The following TOX variants were observed in gnomAD, a reference collection of about 807,000 sequenced individuals.
TOX encodes the protein thymocyte selection-associated high mobility group box protein TOX.
A neutral mutation model predicts 53.7 loss-of-function variants in TOX; 11 were observed. That is an observed-to-expected ratio of 0.20 (90% CI 0.13 to 0.34). TOX has a LOEUF of 0.34. TOX is among the 10% of genes least tolerant of loss of function. The probability of loss-of-function intolerance (pLI) is 1.00; values close to 1 mark genes in which losing one functional copy is unlikely to be tolerated. For missense variants in TOX, 570 were observed against 664.6 expected (o/e 0.86, Z 1.56); for synonymous variants, 225 against 245.3 (o/e 0.92, Z 0.77).
At chr8:58,811,767 C>T (rs761042064) in intron 7 of TOX, among the ~76,000 whole-genome samples, 3 of 151,972 alleles carry the variant, frequency 2.0e-5, no homozygotes, top group Non-Finnish European at 4.4e-5. Flanking sequence ...TTCTCTTGAC[C>T]TCATTCGACA....
In TOX at chr8:59,092,280, T is replaced by TATTATATATATATAC. The variant is rs1196145309; in HGVS notation, c.102+26605_102+26606insGTATATATATATAAT. On this transcript the variant is annotated intron_variant, in intron 1 of 8. Coordinates refer to ENST00000361421, the MANE Select transcript of TOX (RefSeq NM_014729.3). The stretch of plus-strand genomic sequence containing the variant: ...TATATATATTTTATATATATATATA[T>TATTATATATATATAC]ATTATATATACATTATATATATTAT... Among the ~76,000 whole-genome samples the TATTATATATATATAC allele has an allele frequency of 2.9e-3, 335 of 117,002 alleles. 7 individuals carry two copies. The highest frequency in any genetic ancestry group is 5.5e-3 in the East Asian group (23 of 4,210). The allele number at this position is 117,002 out of a possible 152,430, so 76.8% of individuals were successfully genotyped here.
At chr8:59,066,757 A>G (rs556919905) in intron 1 of TOX, among the ~76,000 whole-genome samples, 2 of 152,358 alleles carry the variant, frequency 1.3e-5, no homozygotes, top group African/African-American at 4.8e-5. Flanking sequence ...TTAAGAAAGA[A>G]GTGAACGAAA....
In TOX at chr8:58,826,870, C is replaced by T; in HGVS notation, c.957G>A (p.Lys319=). The T allele has an allele frequency of 1.2e-6, 2 of 1,612,478 alleles. No individual in the cohort carries two copies. The highest frequency in any genetic ancestry group is 1.7e-6 in the Non-Finnish European group (2 of 1,179,316). The change falls in exon 6 of 9, where the codon AAG becomes AAA. Residue 319 remains lysine, a synonymous_variant. Coordinates refer to ENST00000361421, the MANE Select transcript of TOX (RefSeq NM_014729.3). ...VYKKKTEAAK[K]EYLKQLAAYR... is the part of the protein sequence containing the mutation. ...ATGCTGCGAGTTGCTTCAGGTACTC[C>T]TTCTTCGCAGCCTCGGTTTTCTTTT...
chr8:59,031,936 A>G (rs1181568877), intron 1 of TOX, among the ~76,000 whole-genome samples: 1 of 152,244 alleles, frequency 6.6e-6, no homozygotes, highest in African/African-American at 2.4e-5. Context: ...AGTTCAATGA[A>G]AAGAAACTAA....
chr8:58,872,167 C>T (rs925951690), intron 3 of TOX, among the ~76,000 whole-genome samples: 2 of 151,898 alleles, frequency 1.3e-5, no homozygotes, highest in Non-Finnish European at 2.9e-5. Context: ...CATACAAGAG[C>T]CACCTAAAAT....
intron 4 of TOX, among the ~76,000 whole-genome samples, chr8:58,843,934 A>G (rs1389439742): frequency 6.6e-6 from 1 of 152,208 alleles, no homozygotes; most frequent in East Asian, 1.9e-4. Flanking sequence ...TAACGGATGC[A>G]CTTTGAAAGA....
intron 1 of TOX, among the ~76,000 whole-genome samples, chr8:58,998,946 C>T (rs1297054932): frequency 6.6e-6 from 1 of 152,056 alleles, no homozygotes; most frequent in Non-Finnish European, 1.5e-5. Flanking sequence ...TTTATTAATT[C>T]AGTTCAATCT....
chr8:59,105,151 TC>T (rs1363147421), intron 1 of TOX, among the ~76,000 whole-genome samples: 1 of 152,200 alleles, frequency 6.6e-6, no homozygotes, highest in Non-Finnish European at 1.5e-5. Flanking sequence ...GCTCAAATAT[TC>T]TCATTTCATC....
At chr8:59,063,803 C>T (rs371483517) in intron 1 of TOX, among the ~76,000 whole-genome samples, 45 of 152,196 alleles carry the variant, frequency 3.0e-4, no homozygotes, top group African/African-American at 1.0e-3. Flanking sequence ...TTCTAAAAAT[C>T]ACCACTGTAA....
At chr8:58,967,322 A>G (rs182637459) in intron 1 of TOX, among the ~76,000 whole-genome samples, 1 of 152,300 alleles carries the variant, frequency 6.6e-6, no homozygotes, top group African/African-American at 2.4e-5. Flanking sequence ...TAATTTTTGT[A>G]ATAATCCTGT....
chr8:58,985,411 T>A (rs1262389402), intron 1 of TOX, among the ~76,000 whole-genome samples: 1 of 151,998 alleles, frequency 6.6e-6, no homozygotes, highest in Non-Finnish European at 1.5e-5. Flanking sequence ...AAAAGACAAA[T>A]ACTGTATGAT....
At position 58,938,524 on chromosome 8, in the gene TOX, T is replaced by C. The variant is rs151328682; in HGVS notation, c.411+778A>G. Among the ~76,000 whole-genome samples, 893 of 152,198 alleles carry C rather than the reference T, an allele frequency of 5.9e-3. 8 individuals carry two copies. Among genetic ancestry groups the C allele is most frequent in the African/African-American group, 0.02 (835 of 41,514 alleles). ...CTACTACTGATTTTTTTTTCCACTA[T>C]TGGGGTATAGACAGAGAAATTATTA... On this transcript the variant is annotated intron_variant, in intron 3 of 8. Coordinates refer to ENST00000361421, the MANE Select transcript of TOX (RefSeq NM_014729.3).
chr8:58,843,145 A>G (rs1174299530), intron 4 of TOX, among the ~76,000 whole-genome samples: 1 of 152,220 alleles, frequency 6.6e-6, no homozygotes, highest in Non-Finnish European at 1.5e-5. Flanking sequence ...GTTGTGCCTA[A>G]AAACAAGAGC....
At chr8:58,842,220 C>T (rs1165152098) in intron 4 of TOX, among the ~76,000 whole-genome samples, 1 of 151,982 alleles carries the variant, frequency 6.6e-6, no homozygotes, top group East Asian at 1.9e-4. Context: ...TGGGGTGAGT[C>T]AGCAGACTGG....
At chr8:58,878,944 C>T (rs1188421482) in intron 3 of TOX, among the ~76,000 whole-genome samples, 1 of 151,716 alleles carries the variant, frequency 6.6e-6, no homozygotes, top group Non-Finnish European at 1.5e-5. Flanking sequence ...ACCTGTAGTC[C>T]CAGCTACCCT....
At chr8:58,825,395 C>A (rs1012963447) in intron 6 of TOX, among the ~76,000 whole-genome samples, 1 of 152,246 alleles carries the variant, frequency 6.6e-6, no homozygotes, top group South Asian at 2.1e-4. Context: ...ATACAAATTG[C>A]CGTACACTGC....
At chr8:58,904,302 TA>T (rs34289239) in intron 3 of TOX, among the ~76,000 whole-genome samples, 2,506 of 146,442 alleles carry the variant, frequency 0.017, 66 homozygotes, top group African/African-American at 0.064. Flanking sequence ...GTAGACGACA[TA>T]TTTTTTTTTT....
chr8:58,867,538 C>A (rs1811124483), intron 3 of TOX, among the ~76,000 whole-genome samples: 1 of 152,200 alleles, frequency 6.6e-6, no homozygotes. Context: ...CCTTCCTAAC[C>A]CAAGCATCTT....
At chr8:58,880,437 T>C (rs1811364628) in intron 3 of TOX, among the ~76,000 whole-genome samples, 1 of 152,248 alleles carries the variant, frequency 6.6e-6, no homozygotes, top group Admixed American at 6.5e-5. Context: ...ACTATTATTA[T>C]AGCCATTAGC....
Sources: gnomAD v4.1 joint callset for allele counts (sites outside exome capture counted in the v4.1 genomes callset) on GRCh38, gnomAD v4.1.1 for gene constraint, MANE v1.5 for transcripts, NCBI Gene and HGNC (gene_info 2026-07-23, HGNC 2026-07-21) for gene names.